TNIK: variants seen among roughly 807,000 people sequenced by gnomAD.
TNIK encodes TRAF2 and NCK-interacting protein kinase.
TNIK carries 49 observed loss-of-function variants against 191.3 expected under a neutral mutation model. The observed-to-expected ratio is 0.26, with a 90% CI of 0.20 to 0.32. The LOEUF is 0.32. Ranked by LOEUF, TNIK falls within the 10% of genes least tolerant of loss-of-function variation. The pLI is 1.00. For synonymous variants in TNIK, 594 were observed against 600.9 expected, an observed-to-expected ratio of 0.99 and a Z score of 0.17; for missense variants, 1,155 against 1,702.3, an observed-to-expected ratio of 0.68 and a Z score of 5.66.
chr3:171,086,001 T>G (rs1721313152), intron 24 of TNIK, among the ~76,000 whole-genome samples: 1 of 152,174 alleles, frequency 6.6e-6, no homozygotes, highest in Non-Finnish European at 1.5e-5. Flanking sequence ...TGTCACAATA[T>G]TCTAAATTTG....
At chr3:171,427,004 GA>G (rs1302520826) in intron 1 of TNIK, among the ~76,000 whole-genome samples, 2 of 152,202 alleles carry the variant, frequency 1.3e-5, no homozygotes, top group African/African-American at 4.8e-5. Context: ...GATCACAGAC[GA>G]AAGGGATACA....
intron 1 of TNIK, among the ~76,000 whole-genome samples, chr3:171,421,820 C>T (rs1236093378): frequency 6.6e-6 from 1 of 150,630 alleles, no homozygotes; most frequent in Non-Finnish European, 1.5e-5. Context: ...CAACCTCCGC[C>T]TCCTAGGTTC....
At chr3:171,081,809 G>A (rs1042660985) in intron 27 of TNIK, among the ~76,000 whole-genome samples, 1 of 151,626 alleles carries the variant, frequency 6.6e-6, no homozygotes, top group African/African-American at 2.4e-5. Flanking sequence ...CAGTGTGCCA[G>A]CTGCACCTGC....
chr3:171,139,378 G>GCACGCACACA (rs1553830158), intron 14 of TNIK, 92 bp downstream of exon 14: 6 of 692,884 alleles, frequency 8.7e-6, no homozygotes, highest in Non-Finnish European at 1.5e-5. Context: ...ACGCACGCGC[G>GCACGCACACA]CACACACACA....
At chr3:171,145,235 C>T (rs369551305) in intron 12 of TNIK, among the ~76,000 whole-genome samples, 6 of 152,092 alleles carry the variant, frequency 3.9e-5, no homozygotes, top group African/African-American at 9.6e-5. Context: ...TACAGGCGCC[C>T]GCCACCACGC....
At chr3:171,418,517 G>T (rs759880988) in intron 1 of TNIK, among the ~76,000 whole-genome samples, 2 of 152,092 alleles carry the variant, frequency 1.3e-5, no homozygotes, top group Non-Finnish European at 2.9e-5. Flanking sequence ...GTCATTAAAA[G>T]GAGTGAAATA....
intron 2 of TNIK, among the ~76,000 whole-genome samples, chr3:171,353,108 A>C (rs1291293910): frequency 1.3e-5 from 2 of 152,228 alleles, no homozygotes; most frequent in Non-Finnish European, 2.9e-5. Flanking sequence ...CAAAGCATGT[A>C]AACAACACTA....
rs538233543 is a variant in TNIK at position 171,240,676 on chromosome 3, G to A, written c.124-12455C>T. Among the ~76,000 whole-genome samples, 85 of 152,230 alleles carry A rather than the reference G, an allele frequency of 5.6e-4. 1 individual carries two copies. The highest frequency in any genetic ancestry group is 2.0e-3 in the African/African-American group (84 of 41,530). On this transcript the variant is annotated intron_variant, in intron 2 of 32. Transcript: ENST00000436636. ...CACACTTGAATGCTCGCTGCCTTCA[G>A]GTCTTGACTTGAATGGGTCAAAGAG... is the stretch of plus-strand genomic sequence containing the variant.
intron 1 of TNIK, among the ~76,000 whole-genome samples, chr3:171,433,006 C>T (rs1725559814): frequency 6.6e-6 from 1 of 152,020 alleles, no homozygotes; most frequent in African/African-American, 2.4e-5. Context: ...TAATCTATAG[C>T]ATCAAATTGA....
At chr3:171,073,410 C>T (rs1719462078) in intron 28 of TNIK, among the ~76,000 whole-genome samples, 1 of 151,724 alleles carries the variant, frequency 6.6e-6, no homozygotes, top group African/African-American at 2.4e-5. Context: ...TTAAATGTAC[C>T]CAAAACTATA....
intron 7 of TNIK, among the ~76,000 whole-genome samples, chr3:171,185,047 C>T (rs1737184345): frequency 6.6e-6 from 1 of 152,110 alleles, no homozygotes; most frequent in Admixed American, 6.6e-5. Flanking sequence ...CATATAAGAG[C>T]AAGGCCTGTT....
intron 2 of TNIK, among the ~76,000 whole-genome samples, chr3:171,368,011 C>T (rs919466503): frequency 6.6e-6 from 1 of 152,080 alleles, no homozygotes; most frequent in Non-Finnish European, 1.5e-5. Context: ...TGCTAAATAT[C>T]TTCCCTCTCT....
rs184342080 is a variant in TNIK at position 171,315,031 on chromosome 3, C to A, written c.123+54589G>T. ...ATCTAAAAGTCATTAGTAACAACAA[C>A]CACAAACCCCCCCTCCTGCTTTATC... On this transcript the variant is annotated intron_variant, in intron 2 of 32. Transcript: ENST00000436636. Among the ~76,000 whole-genome samples the A allele has an allele frequency of 1.4e-3, 206 of 152,212 alleles. 1 individual carries two copies. The highest frequency in any genetic ancestry group is 4.7e-3 in the African/African-American group (194 of 41,522).
At chr3:171,079,408 C>T in intron 28 of TNIK, 110 bp downstream of exon 28, 1 of 1,253,346 alleles carries the variant, frequency 8.0e-7, no homozygotes. Flanking sequence ...ACATCTGAAG[C>T]TGGTCACACA....
At chr3:171,202,425 A>G (rs1739529004) in intron 4 of TNIK, among the ~76,000 whole-genome samples, 1 of 152,208 alleles carries the variant, frequency 6.6e-6, no homozygotes, top group Non-Finnish European at 1.5e-5. Context: ...AGCATTTAGG[A>G]CTAATCATCT....
chr3:171,329,505 C>A (rs1269075881), intron 2 of TNIK, among the ~76,000 whole-genome samples: 3 of 152,144 alleles, frequency 2.0e-5, no homozygotes, highest in Admixed American at 6.5e-5. Context: ...TCAGTTCCCT[C>A]ACATATAAAA....
At chr3:171,112,196 T>A (rs1183962210) in intron 18 of TNIK, among the ~76,000 whole-genome samples, 6 of 152,236 alleles carry the variant, frequency 3.9e-5, no homozygotes, top group Non-Finnish European at 4.4e-5. Context: ...TTTTTATTTG[T>A]CAATCATACC....
chr3:171,312,832 T>C (rs962133507), intron 2 of TNIK, among the ~76,000 whole-genome samples: 3 of 152,178 alleles, frequency 2.0e-5, no homozygotes, highest in Non-Finnish European at 4.4e-5. Context: ...ATTCCTGAAC[T>C]ATGGCTTATG....
intron 4 of TNIK, among the ~76,000 whole-genome samples, chr3:171,197,489 T>C (rs1301623543): frequency 7.3e-6 from 1 of 137,512 alleles, no homozygotes; most frequent in Non-Finnish European, 1.7e-5. Context: ...GGGAAAAGTA[T>C]TTGCAAATCA....
Sources: allele counts gnomAD v4.1 joint callset (sites outside exome capture counted in the v4.1 genomes callset), GRCh38; gene constraint gnomAD v4.1.1; transcripts MANE v1.5; gene names NCBI Gene and HGNC (gene_info 2026-07-23, HGNC 2026-07-21).